Variants in PAPPA2 observed in about 807,000 individuals in gnomAD.
PAPPA2 encodes pappalysin-2.
In PAPPA2, 86 loss-of-function variants were observed where a neutral mutation model predicts 176.4. That is an observed-to-expected ratio of 0.49 (90% CI 0.41 to 0.58). The LOEUF is 0.58. PAPPA2 is among the 20% of genes least tolerant of loss of function. PAPPA2 has a pLI of 0.00. For synonymous variants in PAPPA2, 809 were observed against 852.2 expected, an observed-to-expected ratio of 0.95 and a Z score of 0.88; for missense variants, 2,073 against 2,256.9, an observed-to-expected ratio of 0.92 and a Z score of 1.65.
chr1:176,616,371 G>T (rs1655258620), intron 3 of PAPPA2: 2 of 578,502 alleles, frequency 3.5e-6, no homozygotes, highest in Non-Finnish European at 6.6e-6. Context: ...GCTTTTAAAA[G>T]CTCCACTCCG....
chr1:176,770,940 T>A, intron 16 of PAPPA2, 27 bp from the exon 17 acceptor site: 1 of 1,603,178 alleles, frequency 6.2e-7, no homozygotes, highest in Non-Finnish European at 8.5e-7. Context: ...GTTCTGAGCA[T>A]CTTGTGCTTC....
chr1:176,830,340 G>T (rs1042887018), intron 21 of PAPPA2, among the ~76,000 whole-genome samples: 4 of 152,336 alleles, frequency 2.6e-5, no homozygotes, highest in Admixed American at 2.0e-4. Flanking sequence ...ATTCTGGAGA[G>T]AATTCACTAG....
chr1:176,709,478 G>A (rs1444765701), intron 10 of PAPPA2, among the ~76,000 whole-genome samples: 1 of 152,086 alleles, frequency 6.6e-6, no homozygotes, highest in Admixed American at 6.6e-5. Flanking sequence ...TAGCAGTCAC[G>A]CAGTTGAAGA....
At chr1:176,753,620 C>A (rs937543513) in intron 14 of PAPPA2, among the ~76,000 whole-genome samples, 2 of 116,802 alleles carry the variant, frequency 1.7e-5, no homozygotes, top group Non-Finnish European at 3.5e-5. Context: ...TTTTTTGACT[C>A]CTCATCTATT....
chr1:176,614,418 G>A (rs1655096987), intron 3 of PAPPA2, among the ~76,000 whole-genome samples: 1 of 152,130 alleles, frequency 6.6e-6, no homozygotes, highest in East Asian at 1.9e-4. Flanking sequence ...CCTATTAAAT[G>A]TTCACAGTTA....
chr1:176,567,518 G>T (rs1443430932), intron 2 of PAPPA2, among the ~76,000 whole-genome samples: 8 of 152,154 alleles, frequency 5.3e-5, no homozygotes, highest in Non-Finnish European at 1.2e-4. Flanking sequence ...TTCTGGGAAG[G>T]TTATAAAAGT....
chr1:176,497,430 T>C (rs1388217048), intron 1 of PAPPA2, among the ~76,000 whole-genome samples: 1 of 152,124 alleles, frequency 6.6e-6, no homozygotes, highest in Non-Finnish European at 1.5e-5. Context: ...AAATAAATTA[T>C]AAAGATGAAA....
intron 3 of PAPPA2, among the ~76,000 whole-genome samples, chr1:176,614,665 C>CT (rs1181482941): frequency 2.0e-5 from 3 of 151,852 alleles, no homozygotes; most frequent in Non-Finnish European, 2.9e-5. Context: ...GACGAGTTCT[C>CT]TTTTTTTTGC....
chr1:176,814,176 G>T (rs1666285451), intron 21 of PAPPA2, among the ~76,000 whole-genome samples: 1 of 152,130 alleles, frequency 6.6e-6, no homozygotes, highest in Non-Finnish European at 1.5e-5. Flanking sequence ...TGCTGTTTTG[G>T]TTACTGTAGC....
In PAPPA2 at chr1:176,844,679, A is replaced by C. The variant is rs1244230113; in HGVS notation, c.*2225A>C. The stretch of plus-strand genomic sequence containing the variant: ...AAAGTTTAGACACTCTATTTTCAAA[A>C]TTTTATAAACTTGTTTTATTGGGGA... On this transcript the variant is annotated 3_prime_UTR_variant, in exon 23 of 23. Transcript: ENST00000367662. 6.6e-6 allele frequency: 1 copy of C among 152,164 alleles called. No individual in the cohort carries two copies. The highest frequency in any genetic ancestry group is 6.5e-5 in the Admixed American group (1 of 15,282). The allele number at this position is 152,164 out of a possible 1,614,324, so 9.4% of individuals were successfully genotyped here. A position where few individuals can be genotyped will look rare whatever the true frequency, so the allele number is the denominator to read the frequency against.
At chr1:176,603,306 C>T (rs1573110974) in intron 3 of PAPPA2, among the ~76,000 whole-genome samples, 1 of 152,346 alleles carries the variant, frequency 6.6e-6, no homozygotes, top group Admixed American at 6.5e-5. Context: ...CACACTTACA[C>T]ATTTTTCTTT....
intron 8 of PAPPA2, among the ~76,000 whole-genome samples, chr1:176,700,374 T>C (rs1660597639): frequency 6.6e-6 from 1 of 152,256 alleles, no homozygotes; most frequent in Non-Finnish European, 1.5e-5. Context: ...TCAGAGATAC[T>C]GTCAGTTAGT....
intron 17 of PAPPA2, among the ~76,000 whole-genome samples, chr1:176,787,648 TTAAC>T (rs1387064387): frequency 1.3e-5 from 2 of 152,220 alleles, no homozygotes; most frequent in South Asian, 2.1e-4. Context: ...TTACATATGT[TTAAC>T]TATTAAAATA....
At chr1:176,808,233 C>A (rs911588721) in intron 21 of PAPPA2, among the ~76,000 whole-genome samples, 1 of 152,062 alleles carries the variant, frequency 6.6e-6, no homozygotes, top group African/African-American at 2.4e-5. Flanking sequence ...CCTCCCAATT[C>A]TTTTATGTCA....
chr1:176,799,770 C>G (rs1404322527), intron 20 of PAPPA2, among the ~76,000 whole-genome samples: 1 of 152,078 alleles, frequency 6.6e-6, no homozygotes, highest in Non-Finnish European at 1.5e-5. Flanking sequence ...ATTGAGGATG[C>G]TTTTTTAAAC....
intron 2 of PAPPA2, among the ~76,000 whole-genome samples, chr1:176,570,416 T>C (rs1297439397): frequency 6.6e-6 from 1 of 152,222 alleles, no homozygotes; most frequent in Admixed American, 6.5e-5. Context: ...GAGCACAAAG[T>C]AGGTATTCAA....
chr1:176,608,300 T>C (rs1252528176), intron 3 of PAPPA2, among the ~76,000 whole-genome samples: 2 of 152,232 alleles, frequency 1.3e-5, no homozygotes, highest in African/African-American at 4.8e-5. Context: ...GATTTTTGAT[T>C]GTGAGTCCAT....
intron 17 of PAPPA2, among the ~76,000 whole-genome samples, chr1:176,788,231 A>G (rs1168535222): frequency 6.6e-6 from 1 of 152,232 alleles, no homozygotes; most frequent in African/African-American, 2.4e-5. Flanking sequence ...ATATCACTTT[A>G]GTTCTTGGGA....
chr1:176,614,740 C>A (rs1330710397), intron 3 of PAPPA2, among the ~76,000 whole-genome samples: 1 of 152,092 alleles, frequency 6.6e-6, no homozygotes, highest in Non-Finnish European at 1.5e-5. Context: ...TAAACACTGA[C>A]AAATTATTTC....
Sources: allele counts gnomAD v4.1 joint callset (sites outside exome capture counted in the v4.1 genomes callset), GRCh38; gene constraint gnomAD v4.1.1; transcripts MANE v1.5; gene names NCBI Gene and HGNC (gene_info 2026-07-23, HGNC 2026-07-21).